The following GLRA3 variants were observed in gnomAD, a reference collection of about 807,000 sequenced individuals.
The protein encoded by GLRA3 is glycine receptor alpha 3.
Under a neutral mutation model 60.4 loss-of-function variants are expected in GLRA3, and 44 were observed. The ratio of observed to expected loss-of-function variants is 0.73; its 90% confidence interval spans 0.57 to 0.94. GLRA3 has a LOEUF of 0.94. Ranked by LOEUF, GLRA3 falls within the 40% of genes least tolerant of loss-of-function variation. The probability of loss-of-function intolerance (pLI) is 0.00; values close to 1 mark genes in which losing one functional copy is unlikely to be tolerated. For synonymous variants in GLRA3, 223 were observed against 192.9 expected, an observed-to-expected ratio of 1.16 and a Z score of -1.29; for missense variants, 508 against 564.6, an observed-to-expected ratio of 0.90 and a Z score of 1.02.
At chr4:174,644,622 C>A (rs769140586) in intron 9 of GLRA3, among the ~76,000 whole-genome samples, 4 of 152,018 alleles carry the variant, frequency 2.6e-5, no homozygotes, top group Admixed American at 6.6e-5. Flanking sequence ...TTTACACTAA[C>A]CTTTTTGGAA....
In GLRA3 at chr4:174,783,873, T is replaced by G. The variant is rs373620583; in HGVS notation, c.199+4943A>C. ...AGGAACACTTTTACACTGTTGGTGG[T>G]ACTGTAAACTAGTTCAACCATTGTG... On this transcript the variant is annotated intron_variant, in intron 2 of 9. Transcript: ENST00000274093. Among the ~76,000 whole-genome samples the G allele has an allele frequency of 7.6e-4, 116 of 152,246 alleles. No homozygotes were observed. In the East Asian group the frequency reaches 0.011, roughly 14 times the overall value.
chr4:174,796,425 G>C (rs1262499447), intron 1 of GLRA3, among the ~76,000 whole-genome samples: 1 of 152,080 alleles, frequency 6.6e-6, no homozygotes, highest in African/African-American at 2.4e-5. Flanking sequence ...TTGCTTATGG[G>C]CAATTGATTT....
intron 1 of GLRA3, among the ~76,000 whole-genome samples, chr4:174,790,499 A>C (rs987817327): frequency 7.7e-6 from 1 of 129,190 alleles, no homozygotes; most frequent in Admixed American, 8.2e-5. Flanking sequence ...ATGGTTCAAG[A>C]ATAGTGTGGA....
chr4:174,642,173 A>T lies in GLRA3; in HGVS notation c.*1613T>A, dbSNP rs1732641328. The T allele has an allele frequency of 2.3e-6, 2 of 856,392 alleles. No homozygotes were observed. The highest frequency in any genetic ancestry group is 3.7e-5 in the African/African-American group (2 of 54,656). The allele number at this position is 856,392 out of a possible 1,614,324, so 53.0% of individuals were successfully genotyped here. ...TTACTATTTTTTAAAATGTTATTTT[A>T]AAAAATTACAATTGTATAAGCTGAT... On this transcript the variant is annotated 3_prime_UTR_variant, in exon 10 of 10. Transcript: ENST00000274093.
rs1355405094 is a variant in GLRA3 at position 174,692,635 on chromosome 4, C to A, written c.575-9696G>T. ...CCTTGTGATCCTGTTGATCTGTGAC[C>A]TTACCCCCAACCCTGTGCTCTCTGA... On this transcript the variant is annotated intron_variant, in intron 5 of 9. Transcript: ENST00000274093. Among the ~76,000 whole-genome samples the A allele has an allele frequency of 2.0e-5, 3 of 150,994 alleles. No individual in the cohort carries two copies. In the East Asian group the frequency reaches 5.8e-4, roughly 29 times the overall value.
intron 2 of GLRA3, among the ~76,000 whole-genome samples, chr4:174,778,730 G>C (rs919562498): frequency 6.6e-6 from 1 of 152,110 alleles, no homozygotes; most frequent in Admixed American, 6.5e-5. Context: ...TGGAAAATCG[G>C]GTCACTCCCA....
chr4:174,785,345 A>C lies in GLRA3; in HGVS notation c.199+3471T>G, dbSNP rs113650451. 6.2e-3 allele frequency among the ~76,000 whole-genome samples: 947 copies of C among 152,268 alleles called. 11 individuals are homozygous for C. Among genetic ancestry groups the C allele is most frequent in the African/African-American group, 0.021 (868 of 41,568 alleles). On this transcript the variant is annotated intron_variant, in intron 2 of 9. Transcript: ENST00000274093. Reference sequence around the variant, plus strand: ...TTTTCCCACTATGGCCTTCAAAATAAATTTTCTTTCAATATAAAGATACTT... The same window carrying C: ...TTTTCCCACTATGGCCTTCAAAATACATTTTCTTTCAATATAAAGATACTT...
At chr4:174,806,029 C>T (rs1007714361) in intron 1 of GLRA3, among the ~76,000 whole-genome samples, 8 of 152,102 alleles carry the variant, frequency 5.3e-5, no homozygotes, top group African/African-American at 1.9e-4. Context: ...GAAAAGAGGT[C>T]TTCCTTGAAA....
In GLRA3 at chr4:174,643,374, T is replaced by A; in HGVS notation, c.*412A>T. The A allele has an allele frequency of 5.8e-6, 2 of 345,364 alleles. No individual in the cohort carries two copies. Among genetic ancestry groups the A allele is most frequent in the African/African-American group, 2.0e-4 (1 of 5,022 alleles). 21.4% of individuals were successfully genotyped at this position (345,364 alleles called of 1,614,324 possible). A position where few individuals can be genotyped will look rare whatever the true frequency, so the allele number is the denominator to read the frequency against. On this transcript the variant is annotated 3_prime_UTR_variant, in exon 10 of 10. Transcript: ENST00000274093. ...TAACTATACTATAAGAAAATAGTTT[T>A]AAATCTCAAACTATTGGTTTACTGT...
At chr4:174,676,534 T>C (rs1014170858) in intron 7 of GLRA3, among the ~76,000 whole-genome samples, 1 of 152,136 alleles carries the variant, frequency 6.6e-6, no homozygotes, top group Non-Finnish European at 1.5e-5. Flanking sequence ...TGTGTGTATG[T>C]GTTTGTGTCT....
intron 5 of GLRA3, among the ~76,000 whole-genome samples, chr4:174,712,990 A>ATG (rs1491577095): frequency 6.6e-4 from 69 of 103,938 alleles, no homozygotes; most frequent in African/African-American, 1.7e-3. Context: ...AGTATATTAC[A>ATG]TGTGAGTGTG....
At chr4:174,649,175 G>C (rs942015075) in intron 9 of GLRA3, among the ~76,000 whole-genome samples, 12 of 152,156 alleles carry the variant, frequency 7.9e-5, no homozygotes, top group African/African-American at 2.9e-4. Flanking sequence ...TGGGGGTAGT[G>C]AACACAGCTT....
Position 174,677,222 on chromosome 4 carries a change from G to A in GLRA3, c.783C>T (p.Tyr261=), listed in dbSNP as rs541882435. 6.2e-7 allele frequency: 1 copy of A among 1,612,024 alleles called. No homozygotes were observed. The highest frequency in any genetic ancestry group is 2.2e-5 in the East Asian group (1 of 44,870). ...GAATAACAATCAGGAGACTGGGAAT[G>A]TACATCTGGATCAGATAGTATCCCA... ...RQMGYYLIQM[Y]IPSLLIVILS... Residue 261 remains tyrosine, a synonymous_variant, in exon 7 of 10, where the codon TAC becomes TAT. Transcript: ENST00000274093.
chr4:174,739,030 G>T (rs1736905533), intron 3 of GLRA3, among the ~76,000 whole-genome samples: 1 of 152,224 alleles, frequency 6.6e-6, no homozygotes, highest in African/African-American at 2.4e-5. Context: ...GCCCTGCTCA[G>T]ATCTCTGGCT....
intron 3 of GLRA3, among the ~76,000 whole-genome samples, chr4:174,739,628 G>T (rs780462733): frequency 1.3e-4 from 20 of 152,200 alleles, no homozygotes; most frequent in Non-Finnish European, 2.8e-4. Flanking sequence ...AATGTTAAGA[G>T]AATTAGACTA....
intron 1 of GLRA3, among the ~76,000 whole-genome samples, chr4:174,821,953 A>G (rs1487036747): frequency 6.6e-6 from 1 of 152,224 alleles, no homozygotes; most frequent in Non-Finnish European, 1.5e-5. Context: ...AGACAGGCAG[A>G]TGTCATCTCA....
chr4:174,676,751 T>C (rs1416722393), intron 7 of GLRA3, among the ~76,000 whole-genome samples: 1 of 152,106 alleles, frequency 6.6e-6, no homozygotes, highest in African/African-American at 2.4e-5. Flanking sequence ...AAAATTACCA[T>C]GTAGATTCAA....
chr4:174,664,043 T>G (rs188191040), intron 7 of GLRA3, among the ~76,000 whole-genome samples: 1 of 152,182 alleles, frequency 6.6e-6, no homozygotes, highest in South Asian at 2.1e-4. Context: ...TCCCAAGCCA[T>G]CCTGCAGAAG....
intron 5 of GLRA3, among the ~76,000 whole-genome samples, chr4:174,704,138 T>C (rs1390658915): frequency 7.1e-6 from 1 of 141,122 alleles, no homozygotes; most frequent in East Asian, 2.4e-4. Context: ...CTATCAAAAA[T>C]ACAAAAATTA....
Sources: allele counts gnomAD v4.1 joint callset (sites outside exome capture counted in the v4.1 genomes callset), GRCh38; gene constraint gnomAD v4.1.1; transcripts MANE v1.5; gene names NCBI Gene and HGNC (gene_info 2026-07-23, HGNC 2026-07-21).